Variants in HIVEP1 observed in about 807,000 individuals in gnomAD.
HIVEP1 encodes the protein HIVEP zinc finger 1.
In HIVEP1, 36 loss-of-function variants were observed where a neutral mutation model predicts 180.0. That is an observed-to-expected ratio of 0.20 (90% confidence interval 0.15 to 0.26). The LOEUF (loss-of-function observed/expected upper bound fraction) is 0.26. Among genes scored for constraint, HIVEP1 ranks in the 10% least tolerant of loss-of-function variants. HIVEP1 has a pLI of 1.00. For missense variants in HIVEP1, 3,143 were observed against 3,268.7 expected (o/e 0.96, Z 0.94); for synonymous variants, 1,239 against 1,239.0 (o/e 1.00, Z 0.00).
At chr6:12,189,466 G>A in the HIVEP1 span, among the ~76,000 whole-genome samples, 1 of 151,992 alleles carries the variant, frequency 6.6e-6, no homozygotes, top group East Asian at 1.9e-4. Flanking sequence ...AAGGAAAAAT[G>A]AACAAAAACA....
In HIVEP1 at chr6:12,123,465, T is replaced by G; in HGVS notation, c.3670T>G (p.Ser1224Ala). 1 of 1,614,116 alleles carries G rather than the reference T, an allele frequency of 6.2e-7. No homozygotes were observed. The highest frequency in any genetic ancestry group is 8.5e-7 in the Non-Finnish European group (1 of 1,180,016). Residue 1224 changes from serine to alanine, a missense_variant, in exon 4 of 9, where the codon TCA (serine) becomes GCA (alanine). Physicochemically the swap from Ser to Ala is moderately conservative, Grantham distance 99. Around this residue, in one of 12 missense-constraint regions of HIVEP1, gnomAD observed 1,357 missense variants for 1,260.5 expected, o/e 1.08. Transcript: ENST00000379388. Reference sequence around the variant, plus strand: ...TGAACGACATGTGTTAGGACAGCCCTCAAGACTTGTCCGGCAGCACAACAT... The same window carrying G: ...TGAACGACATGTGTTAGGACAGCCCGCAAGACTTGTCCGGCAGCACAACAT... ...PSERHVLGQPSRLVRQHNIQV... is the reference protein window; with the variant it reads ...PSERHVLGQPARLVRQHNIQV...
At chr6:12,156,689 C>G (rs1476519820) in intron 7 of HIVEP1, among the ~76,000 whole-genome samples, 2 of 152,060 alleles carry the variant, frequency 1.3e-5, no homozygotes, top group Admixed American at 1.3e-4. Context: ...TGGTTTAATT[C>G]TGTTTTCATG....
chr6:12,137,119 G>A (rs115766041), intron 7 of HIVEP1, among the ~76,000 whole-genome samples: 1,590 of 152,286 alleles, frequency 0.01, 25 homozygotes, highest in African/African-American at 0.036. Flanking sequence ...AATGACTCAC[G>A]TCTTCAGTGA....
chr6:12,107,872 C>T (rs898188410), intron 3 of HIVEP1, among the ~76,000 whole-genome samples: 21 of 150,380 alleles, frequency 1.4e-4, no homozygotes, highest in African/African-American at 2.5e-4. Context: ...TTTGACAGGG[C>T]GCTGATTGGT....
chr6:12,196,066 C>T, the HIVEP1 span, among the ~76,000 whole-genome samples: 2 of 152,208 alleles, frequency 1.3e-5, no homozygotes, highest in Admixed American at 1.3e-4. Context: ...GTATGTGGAA[C>T]CACTGGTCCC....
intron 2 of HIVEP1, among the ~76,000 whole-genome samples, chr6:12,066,697 A>G (rs1771611626): frequency 6.6e-6 from 1 of 152,220 alleles, no homozygotes; most frequent in African/African-American, 2.4e-5. Context: ...TGTGCATTAT[A>G]AATTTTATCA....
In HIVEP1 at chr6:12,161,358, C is replaced by A. The variant is rs1159903890; in HGVS notation, c.6488-81C>A. The A allele has an allele frequency of 8.1e-6, 11 of 1,361,702 alleles. No homozygotes were observed. In the East Asian group the frequency reaches 2.3e-4, roughly 28 times the overall value. 84.4% of individuals were successfully genotyped at this position (1,361,702 alleles called of 1,614,324 possible). On this transcript the variant is annotated intron_variant, in intron 7 of 8. Coordinates refer to ENST00000379388, the MANE Select transcript of HIVEP1 (RefSeq NM_002114.4). ...TCTTTTATAATCCTTGCAGAGTTGC[C>A]AAACGTATAAAAAATTTTTAAAATA...
upstream of HIVEP1, chr6:12,007,871 T>G (rs1244674982): frequency 2.0e-5 from 3 of 152,134 alleles, no homozygotes; most frequent in African/African-American, 7.2e-5. Context: ...ATAAGCCTCT[T>G]ATATCTTTTT....
At chr6:12,014,558 C>T (rs1054208602) in intron 1 of HIVEP1, among the ~76,000 whole-genome samples, 4 of 152,134 alleles carry the variant, frequency 2.6e-5, no homozygotes, top group Non-Finnish European at 5.9e-5. Context: ...TGTGTCTTTG[C>T]TTAATGACTA....
At chr6:12,145,546 C>T (rs1212361301) in intron 7 of HIVEP1, among the ~76,000 whole-genome samples, 1 of 151,076 alleles carries the variant, frequency 6.6e-6, no homozygotes, top group East Asian at 1.9e-4. Context: ...ACGCCCTCTA[C>T]CAGATACTGT....
intron 4 of HIVEP1, among the ~76,000 whole-genome samples, chr6:12,126,236 G>A (rs1258873987): frequency 6.6e-6 from 1 of 152,160 alleles, no homozygotes; most frequent in African/African-American, 2.4e-5. Flanking sequence ...TCATGGTTAT[G>A]CTTTGTTCCT....
chr6:12,167,539 A>C (rs918106557), downstream of HIVEP1, among the ~76,000 whole-genome samples: 8 of 131,140 alleles, frequency 6.1e-5, no homozygotes, highest in African/African-American at 2.3e-4. Flanking sequence ...ATATATTTGT[A>C]TATATATAAT....
the HIVEP1 span, among the ~76,000 whole-genome samples, chr6:12,170,827 G>C: frequency 2.0e-5 from 3 of 152,112 alleles, no homozygotes; most frequent in East Asian, 5.8e-4. Context: ...AATAACTTAC[G>C]GGAGAGTGAA....
rs1021974130 is a variant in HIVEP1, at chr6:12,041,933, A to G, written c.40+26265A>G. Among the ~76,000 whole-genome samples, 16 of 151,754 alleles carry G rather than the reference A, an allele frequency of 1.1e-4. 1 individual carries two copies. The highest frequency in any genetic ancestry group is 3.6e-4 in the African/African-American group (15 of 41,110). ...CTTGGCCTCCCAAAGTGCTGGGGTT[A>G]TAGGTGTGAGTCACCGTGCCTGGCC... On this transcript the variant is annotated intron_variant, in intron 2 of 8. Coordinates refer to ENST00000379388, the MANE Select transcript of HIVEP1 (RefSeq NM_002114.4).
intron 3 of HIVEP1, among the ~76,000 whole-genome samples, chr6:12,105,653 G>A (rs553885291): frequency 6.6e-6 from 1 of 152,090 alleles, no homozygotes; most frequent in Admixed American, 6.5e-5. Flanking sequence ...CTTACATGTT[G>A]CAGATACTTT....
At chr6:12,082,544 A>C (rs1772854565) in intron 2 of HIVEP1, among the ~76,000 whole-genome samples, 1 of 152,186 alleles carries the variant, frequency 6.6e-6, no homozygotes, top group South Asian at 2.1e-4. Flanking sequence ...TGCTTCTACC[A>C]ACTCTAGGCT....
chr6:12,187,683 C>T, the HIVEP1 span, among the ~76,000 whole-genome samples: 1 of 151,804 alleles, frequency 6.6e-6, no homozygotes, highest in South Asian at 2.1e-4. Flanking sequence ...ACCTCTGACT[C>T]CAGGATTCAA....
the HIVEP1 span, among the ~76,000 whole-genome samples, chr6:12,206,176 C>T: frequency 6.6e-6 from 1 of 152,114 alleles, no homozygotes; most frequent in African/African-American, 2.4e-5. Context: ...CTCTGTCACC[C>T]AGGCTGGAAT....
At chr6:12,083,195 G>A (rs541329323) in intron 2 of HIVEP1, among the ~76,000 whole-genome samples, 1 of 152,092 alleles carries the variant, frequency 6.6e-6, no homozygotes, top group East Asian at 1.9e-4. Context: ...TCTTCATGGC[G>A]CAAAATGTTT....
Sources: allele counts gnomAD v4.1 joint callset (sites outside exome capture counted in the v4.1 genomes callset), GRCh38; gene constraint gnomAD v4.1.1; regional missense constraint gnomAD v4.1.1; transcripts MANE v1.5; gene names NCBI Gene and HGNC (gene_info 2026-07-23, HGNC 2026-07-21).